DGKH: variants seen among roughly 807,000 people sequenced by gnomAD.
DGKH encodes the protein DAG kinase eta.
Under a neutral mutation model 159.3 loss-of-function variants are expected in DGKH, and 90 were observed. The ratio of observed to expected loss-of-function variants is 0.57; its 90% CI spans 0.48 to 0.67. DGKH has a LOEUF of 0.67. Among genes scored for constraint, DGKH ranks in the 30% least tolerant of loss-of-function variants. The probability of loss-of-function intolerance (pLI) is 0.00; values close to 1 mark genes in which losing one functional copy is unlikely to be tolerated. For missense variants in DGKH, 1,181 were observed against 1,506.1 expected (o/e 0.78, Z 3.57); for synonymous variants, 536 against 553.8 (o/e 0.97, Z 0.45).
chr13:42,170,941 TCA>T (rs1491569277), intron 11 of DGKH, among the ~76,000 whole-genome samples: 5 of 33,304 alleles, frequency 1.5e-4, no homozygotes, highest in African/African-American at 2.9e-4. Context: ...AGACTCTGTC[TCA>T]AAAAAAAAAA....
At chr13:42,251,402 T>C (rs1958619184) in intron 29 of DGKH, among the ~76,000 whole-genome samples, 1 of 152,130 alleles carries the variant, frequency 6.6e-6, no homozygotes, top group Non-Finnish European at 1.5e-5. Context: ...ATTGAGTCCC[T>C]GTCTGAAAAA....
At chr13:42,095,807 C>A (rs907045069) in intron 1 of DGKH, among the ~76,000 whole-genome samples, 3 of 152,120 alleles carry the variant, frequency 2.0e-5, no homozygotes, top group Non-Finnish European at 4.4e-5. Flanking sequence ...AAGTTTATAA[C>A]CTGACTTGTT....
intron 3 of DGKH, among the ~76,000 whole-genome samples, chr13:42,130,852 G>A (rs1172434414): frequency 6.6e-6 from 1 of 152,044 alleles, no homozygotes; most frequent in African/African-American, 2.4e-5. Context: ...GAAGAGGAAA[G>A]CCAAGAATAG....
chr13:42,137,158 A>G (rs1262331726), intron 3 of DGKH, among the ~76,000 whole-genome samples: 1 of 152,334 alleles, frequency 6.6e-6, no homozygotes, highest in Admixed American at 6.5e-5. Context: ...CTTTGAACTT[A>G]AAAAGCTGTC....
At chr13:42,098,886 C>A (rs1242859485) in intron 1 of DGKH, among the ~76,000 whole-genome samples, 1 of 152,186 alleles carries the variant, frequency 6.6e-6, no homozygotes, top group African/African-American at 2.4e-5. Context: ...AGGACACATT[C>A]CGGAAGTACA....
intron 1 of DGKH, among the ~76,000 whole-genome samples, chr13:42,078,333 A>G (rs1954137952): frequency 6.6e-6 from 1 of 152,198 alleles, no homozygotes; most frequent in African/African-American, 2.4e-5. Flanking sequence ...GGCCGCTCCT[A>G]TTACTGGTAG....
chr13:42,095,956 A>G (rs901779115), intron 1 of DGKH, among the ~76,000 whole-genome samples: 3 of 152,138 alleles, frequency 2.0e-5, no homozygotes, highest in Non-Finnish European at 1.5e-5. Flanking sequence ...TATTGTTTCT[A>G]TGTCATTGCT....
At chr13:42,215,766 G>A in intron 26 of DGKH, 99 bp downstream of exon 26, 2 of 1,064,840 alleles carry the variant, frequency 1.9e-6, no homozygotes, top group South Asian at 1.7e-5. Flanking sequence ...TAAGGCAGAA[G>A]CAGCCTTCTG....
chr13:42,251,807 C>A (rs184740634), intron 29 of DGKH, among the ~76,000 whole-genome samples: 1 of 152,162 alleles, frequency 6.6e-6, no homozygotes, highest in South Asian at 2.1e-4. Flanking sequence ...ATCTCTATTC[C>A]CATTACAGCG....
Position 42,251,197 on chromosome 13 carries a change from C to T in DGKH, n.4055-1212C>T, listed in dbSNP as rs574639689. On this transcript the variant is annotated intron_variant and non_coding_transcript_variant, in intron 29 of 30. Transcript: ENST00000498255. ...TGTGAATTTAAATATTTGTATTGGC[C>T]GGGCACAGTGGCTCACACCTGTAAT... is the stretch of plus-strand genomic sequence containing the variant. Among the ~76,000 whole-genome samples the T allele has an allele frequency of 3.9e-4, 60 of 152,098 alleles. No homozygotes were observed. The South Asian group carries it at 0.012, about 29-fold the overall frequency.
At chr13:42,191,695 T>A (rs777741034) in intron 16 of DGKH, among the ~76,000 whole-genome samples, 3 of 152,118 alleles carry the variant, frequency 2.0e-5, no homozygotes, top group Admixed American at 6.5e-5. Context: ...GTTTGAAACA[T>A]CTCTTGTTAA....
chr13:42,121,761 G>A (rs141607508), intron 1 of DGKH, among the ~76,000 whole-genome samples: 271 of 152,330 alleles, frequency 1.8e-3, no homozygotes, highest in Non-Finnish European at 3.1e-3. Flanking sequence ...CGTTAAGGCA[G>A]ATTTATGACA....
chr13:42,083,576 C>T (rs1037284251), intron 1 of DGKH, among the ~76,000 whole-genome samples: 4 of 152,194 alleles, frequency 2.6e-5, no homozygotes, highest in African/African-American at 9.7e-5. Flanking sequence ...AGTACCTTCC[C>T]TGCCCTGGGG....
chr13:42,225,318 A>T (rs1180010425), intron 29 of DGKH: 1 of 1,584,628 alleles, frequency 6.3e-7, no homozygotes, highest in Admixed American at 1.8e-5. Context: ...AGAGACACCA[A>T]AGAAAATGGT....
In DGKH at chr13:42,219,748, G is replaced by A. The variant is rs777803969; in HGVS notation, c.3396G>A (p.Lys1132=). 7 of 1,613,712 alleles carry A rather than the reference G, an allele frequency of 4.3e-6. No individual in the cohort carries two copies. Among genetic ancestry groups the A allele is most frequent in the African/African-American group, 2.7e-5 (2 of 75,004 alleles). The change falls in exon 28 of 30, where the codon AAG becomes AAA. Residue 1132 remains lysine, a synonymous_variant. Transcript: ENST00000337343. ...GCACCGTATTTCGAATAGTGCCAAA[G>A]TTTAAAAAGGAAAAGGTTCAGAAGC... ...NRSTVFRIVP[K]FKKEKVQKQK...
intron 21 of DGKH, among the ~76,000 whole-genome samples, chr13:42,206,975 T>TTTTCCTTCTTTC (rs1555275941): frequency 1.2e-5 from 1 of 82,310 alleles, no homozygotes; most frequent in African/African-American, 5.0e-5. Context: ...TACTTTTACT[T>TTTTCCTTCTTTC]TTTCTTTCTT....
At position 42,241,445 on chromosome 13, in the gene DGKH, G is replaced by C. The variant is rs954006543; in HGVS notation, c.*12257G>C. 9.9e-5 allele frequency: 15 copies of C among 152,102 alleles called. No individual in the cohort carries two copies. The highest frequency in any genetic ancestry group is 3.4e-4 in the African/African-American group (14 of 41,422). 9.4% of individuals were successfully genotyped at this position (152,102 alleles called of 1,614,324 possible). A position where few individuals can be genotyped will look rare whatever the true frequency, so the allele number is the denominator to read the frequency against. ...TTATGTCCACAATTTTTACATTTTT[G>C]TATCAGCCACCAATAATTTTGACTG... On this transcript the variant is annotated 3_prime_UTR_variant, in exon 30 of 30. Coordinates refer to ENST00000337343, the MANE Select transcript of DGKH (RefSeq NM_178009.5).
At chr13:42,221,200 ACCTTTGCTTT>A in intron 28 of DGKH, 54 bp from the exon 29 acceptor site, 1 of 1,587,016 alleles carries the variant, frequency 6.3e-7, no homozygotes, top group South Asian at 1.2e-5. Context: ...TCTTTGGCCA[ACCTTTGCTTT>A]GTAATGCATT....
intron 21 of DGKH, among the ~76,000 whole-genome samples, chr13:42,207,412 A>T (rs1957534012): frequency 6.6e-6 from 1 of 151,298 alleles, no homozygotes; most frequent in African/African-American, 2.4e-5. Context: ...GGTGGTCTCG[A>T]ACTTCTGACC....
Sources: allele counts gnomAD v4.1 joint callset (sites outside exome capture counted in the v4.1 genomes callset), GRCh38; gene constraint gnomAD v4.1.1; transcripts MANE v1.5; gene names NCBI Gene and HGNC (gene_info 2026-07-23, HGNC 2026-07-21).